Variants in SMOC1 observed in about 807,000 individuals in gnomAD.
SMOC1 encodes the protein SPARC-related modular calcium-binding protein 1.
In SMOC1, 22 loss-of-function variants were observed where a neutral mutation model predicts 56.3. That is an observed-to-expected ratio of 0.39 (90% CI 0.28 to 0.56). The LOEUF (loss-of-function observed/expected upper bound fraction) is 0.56. Among genes scored for constraint, SMOC1 ranks in the 20% least tolerant of loss-of-function variants. SMOC1 has a pLI of 0.61. For synonymous variants in SMOC1, 193 were observed against 215.0 expected, an observed-to-expected ratio of 0.90 and a Z score of 0.89; for missense variants, 509 against 565.4, an observed-to-expected ratio of 0.90 and a Z score of 1.01.
intron 5 of SMOC1, among the ~76,000 whole-genome samples, chr14:69,978,822 G>C (rs1299849305): frequency 6.6e-6 from 1 of 152,108 alleles, no homozygotes; most frequent in East Asian, 1.9e-4. Flanking sequence ...GACGTAGCTG[G>C]CATCTGTCTG....
intron 7 of SMOC1, among the ~76,000 whole-genome samples, chr14:70,009,618 G>A (rs968634991): frequency 6.6e-6 from 1 of 152,122 alleles, no homozygotes; most frequent in African/African-American, 2.4e-5. Flanking sequence ...GAGAAGAGTT[G>A]TAGAATAGTG....
intron 1 of SMOC1, among the ~76,000 whole-genome samples, chr14:69,917,816 A>T (rs757772772): frequency 3.6e-4 from 55 of 152,260 alleles, no homozygotes; most frequent in Middle Eastern, 3.4e-3. Context: ...GCCTTTAGGG[A>T]TGATTCCAAA....
intron 5 of SMOC1, among the ~76,000 whole-genome samples, chr14:69,979,773 A>G (rs1466368856): frequency 6.6e-6 from 1 of 152,108 alleles, no homozygotes; most frequent in Non-Finnish European, 1.5e-5. Flanking sequence ...TGCCTGTTGC[A>G]ATGGAAATCT....
intron 1 of SMOC1, among the ~76,000 whole-genome samples, chr14:69,895,630 C>T (rs950129271): frequency 2.0e-5 from 3 of 152,166 alleles, no homozygotes; most frequent in Admixed American, 1.3e-4. Flanking sequence ...CCAGTGACTT[C>T]GGAAAACCTT....
intron 1 of SMOC1, chr14:69,885,905 G>A (rs959979662): frequency 1.4e-4 from 225 of 1,595,858 alleles, no homozygotes; most frequent in Non-Finnish European, 1.8e-4. Flanking sequence ...CTGGTTAATC[G>A]CAGGAGGCAC....
intron 2 of SMOC1, 81 bp from the exon 3 acceptor site, chr14:69,953,339 G>A: frequency 7.7e-7 from 1 of 1,306,998 alleles, no homozygotes; most frequent in Non-Finnish European, 1.1e-6. Context: ...CACAGGTGGA[G>A]TGGTTTTCTC....
intron 1 of SMOC1, among the ~76,000 whole-genome samples, chr14:69,893,168 G>GAT (rs1290451665): frequency 2.6e-5 from 4 of 152,140 alleles, no homozygotes; most frequent in Admixed American, 1.3e-4. Context: ...GTGTAGGTTT[G>GAT]ATATATATAT....
intron 3 of SMOC1, among the ~76,000 whole-genome samples, chr14:69,974,960 A>G (rs546475693): frequency 6.6e-6 from 1 of 152,250 alleles, no homozygotes; most frequent in Admixed American, 6.5e-5. Flanking sequence ...AAAGAAGAAA[A>G]GCTTACCACT....
At chr14:69,999,647 T>C (rs74061018) in intron 7 of SMOC1, among the ~76,000 whole-genome samples, 3,609 of 152,230 alleles carry the variant, frequency 0.024, 124 homozygotes, top group African/African-American at 0.083. Flanking sequence ...TCATGGCCAG[T>C]AGAATTGAGC....
chr14:69,976,894 G>C (rs1883980694), intron 4 of SMOC1, among the ~76,000 whole-genome samples: 2 of 152,194 alleles, frequency 1.3e-5, no homozygotes, highest in African/African-American at 4.8e-5. Flanking sequence ...GAAAAAGAAA[G>C]TGGAAAGGGC....
At chr14:70,028,797 T>C (rs904525998) in intron 11 of SMOC1, among the ~76,000 whole-genome samples, 3 of 152,192 alleles carry the variant, frequency 2.0e-5, no homozygotes, top group Non-Finnish European at 2.9e-5. Flanking sequence ...AGAGTTCATG[T>C]CCTCCTCTGT....
In SMOC1 at chr14:69,992,466, T is replaced by A. The variant is rs755516636; in HGVS notation, c.576T>A (p.Asp192Glu). 4 of 1,613,364 alleles carry A rather than the reference T, an allele frequency of 2.5e-6. No homozygotes were observed. Among genetic ancestry groups the A allele is most frequent in the Non-Finnish European group, 3.4e-6 (4 of 1,179,232 alleles). ...TPTMETQPVF[D>E]GDEITAPTLW... ...CGATGGAGACCCAGCCGGTGTTCGA[T>A]GGAGATGGTAAGATCTTGCATTACT... is the stretch of plus-strand genomic sequence containing the variant. Residue 192 changes from aspartate to glutamate, a missense_variant, in exon 6 of 12, where the codon GAT (aspartate) becomes GAA (glutamate). By Grantham distance (45) the Asp-to-Glu change is conservative (BLOSUM62 2). Coordinates refer to ENST00000361956, the MANE Select transcript of SMOC1 (RefSeq NM_001034852.3).
intron 1 of SMOC1, among the ~76,000 whole-genome samples, chr14:69,899,786 C>T (rs1884194295): frequency 6.6e-6 from 1 of 152,140 alleles, no homozygotes; most frequent in South Asian, 2.1e-4. Context: ...GAGCCTCTGG[C>T]AGGTTGTCAG....
At chr14:69,917,783 G>A (rs1472824432) in intron 1 of SMOC1, among the ~76,000 whole-genome samples, 2 of 152,182 alleles carry the variant, frequency 1.3e-5, no homozygotes, top group Admixed American at 1.3e-4. Context: ...GCAGGCCAGT[G>A]ATCTTTGGTG....
At chr14:70,009,877 C>T (rs1276062643) in intron 7 of SMOC1, among the ~76,000 whole-genome samples, 1 of 151,596 alleles carries the variant, frequency 6.6e-6, no homozygotes, top group East Asian at 1.9e-4. Flanking sequence ...ATAATTAGAA[C>T]AAAAACAAAA....
chr14:69,943,894 T>C (rs1882678324), intron 1 of SMOC1, among the ~76,000 whole-genome samples: 3 of 152,222 alleles, frequency 2.0e-5, no homozygotes, highest in Admixed American at 2.0e-4. Context: ...GCAAAGCCCT[T>C]TCTGCCCCTC....
chr14:69,910,288 GA>G (rs1267690499), intron 1 of SMOC1, among the ~76,000 whole-genome samples: 1 of 152,238 alleles, frequency 6.6e-6, no homozygotes, highest in Non-Finnish European at 1.5e-5. Flanking sequence ...CCCCTGGGAA[GA>G]GTCTGGATTT....
intron 6 of SMOC1, among the ~76,000 whole-genome samples, chr14:69,992,725 A>G (rs1594843562): frequency 6.6e-6 from 1 of 152,288 alleles, no homozygotes; most frequent in East Asian, 1.9e-4. Flanking sequence ...GTGTCCAACA[A>G]TAACACAGCC....
intron 1 of SMOC1, among the ~76,000 whole-genome samples, chr14:69,929,700 G>A (rs1250634085): frequency 6.6e-6 from 1 of 152,160 alleles, no homozygotes; most frequent in Non-Finnish European, 1.5e-5. Context: ...GAAGAAGGGA[G>A]GGATATGATC....
Sources: allele counts gnomAD v4.1 joint callset (sites outside exome capture counted in the v4.1 genomes callset), GRCh38; gene constraint gnomAD v4.1.1; transcripts MANE v1.5; gene names NCBI Gene and HGNC (gene_info 2026-07-23, HGNC 2026-07-21).